CYSLTR1: variants seen among roughly 807,000 people sequenced by gnomAD.
The protein encoded by CYSLTR1 is cysteinyl leukotriene receptor 1.
CYSLTR1 carries 1 observed loss-of-function variant against 2.1 expected under a neutral mutation model. That is an observed-to-expected ratio of 0.48 (90% CI 0.17 to 2.28). The LOEUF is 2.28. CYSLTR1 is among the 30% of genes most tolerant of loss of function. The pLI is 0.26. For synonymous variants in CYSLTR1, 110 were observed against 89.6 expected, an observed-to-expected ratio of 1.23 and a Z score of -1.28; for missense variants, 299 against 250.1, an observed-to-expected ratio of 1.20 and a Z score of -1.32.
At chrX:78,316,476 T>C (rs1421229620) in intron 1 of CYSLTR1, among the ~76,000 whole-genome samples, 1 of 111,963 alleles carries the variant, frequency 8.9e-6, no homozygotes, top group Admixed American at 9.5e-5. Context: ...GCTTATGGCC[T>C]GGGAAAAGTT....
At chrX:78,283,318 A>C (rs1397217677) in intron 2 of CYSLTR1, 136 bp downstream of exon 2, 1 of 112,246 alleles carries the variant, frequency 8.9e-6, no homozygotes, top group Non-Finnish European at 1.9e-5. Flanking sequence ...TTAGCAGAAA[A>C]CAAATGGGTT....
chrX:78,274,109 T>G (rs1921454215), intron 2 of CYSLTR1, among the ~76,000 whole-genome samples: 1 of 111,765 alleles, frequency 8.9e-6, no homozygotes, highest in Non-Finnish European at 1.9e-5. Flanking sequence ...TGAACTTGTT[T>G]TTCTATTAGA....
At chrX:78,275,923 A>T (rs919428658) in intron 2 of CYSLTR1, among the ~76,000 whole-genome samples, 15 of 111,563 alleles carry the variant, frequency 1.3e-4, no homozygotes, top group Non-Finnish European at 2.8e-4. Flanking sequence ...GGTAAGAGAA[A>T]CCTTAGAAGC....
At chrX:78,317,951 C>T (rs889189735) in intron 1 of CYSLTR1, among the ~76,000 whole-genome samples, 1 of 111,583 alleles carries the variant, frequency 9.0e-6, no homozygotes, top group Non-Finnish European at 1.9e-5. Context: ...AACCAGAAAC[C>T]ACCTGTTCCC....
rs199546618 is a variant in CYSLTR1 at position 78,273,008 on chromosome X, T to A, written c.739A>T (p.Met247Leu). Reference protein sequence around the residue: ...VVTAAFLVSFMPYHIQRTIHL... With the variant: ...VVTAAFLVSFLPYHIQRTIHL... ...ATGGTACGTTGAATATGATATGGCA[T>A]GAAACTGACTAAAAAGGCAGCGGTC... Residue 247 changes from methionine to leucine, a missense_variant, in exon 3 of 3, where the codon ATG (methionine) becomes TTG (leucine). Met to Leu is a conservative substitution (Grantham distance 15). Transcript: ENST00000373304. The A allele has an allele frequency of 1.7e-6, 2 of 1,211,690 alleles. No individual in the cohort carries two copies. The highest frequency in any genetic ancestry group is 2.2e-6 in the Non-Finnish European group (2 of 895,485).
At chrX:78,301,958 G>A (rs754747194) in intron 1 of CYSLTR1, among the ~76,000 whole-genome samples, 2 of 112,205 alleles carry the variant, frequency 1.8e-5, no homozygotes, top group Non-Finnish European at 3.8e-5. Context: ...GAGAAAGCTT[G>A]TGCAGGAGAA....
chrX:78,309,877 A>G lies in CYSLTR1; in HGVS notation c.-115+17428T>C, dbSNP rs144787497. Among the ~76,000 whole-genome samples, 1,051 of 111,884 alleles carry G rather than the reference A, an allele frequency of 9.4e-3. 5 individuals carry two copies. Among genetic ancestry groups the G allele is most frequent in the Non-Finnish European group, 0.016 (859 of 53,068 alleles). On this transcript the variant is annotated intron_variant, in intron 1 of 2. Transcript: ENST00000373304. ...ACCATATAATTAAGTTTCAGATTCCACAAAGCCTTTCAATAGACACTGGCA... is the reference window on the plus strand; with the variant it reads ...ACCATATAATTAAGTTTCAGATTCCGCAAAGCCTTTCAATAGACACTGGCA...
chrX:78,295,606 C>A (rs1330531585), intron 1 of CYSLTR1, among the ~76,000 whole-genome samples: 1 of 111,271 alleles, frequency 9.0e-6, no homozygotes, highest in Non-Finnish European at 1.9e-5. Flanking sequence ...TGAGATGATA[C>A]CTCATTGCAG....
At chrX:78,313,709 C>T (rs1923299100) in intron 1 of CYSLTR1, among the ~76,000 whole-genome samples, 1 of 110,502 alleles carries the variant, frequency 9.0e-6, no homozygotes, top group African/African-American at 3.3e-5. Context: ...AAATAAGGCC[C>T]TGGACGTGGG....
chrX:78,290,674 C>A (rs149190207), intron 1 of CYSLTR1, among the ~76,000 whole-genome samples: 5 of 111,591 alleles, frequency 4.5e-5, no homozygotes, highest in Admixed American at 2.9e-4. Context: ...TCCTTCACAT[C>A]CCTTGTAAGT....
intron 1 of CYSLTR1, among the ~76,000 whole-genome samples, chrX:78,305,297 C>A (rs1420232253): frequency 9.0e-6 from 1 of 111,654 alleles, no homozygotes; most frequent in Admixed American, 9.5e-5. Context: ...AACAATTGCT[C>A]TTTTTTGTAT....
intron 1 of CYSLTR1, among the ~76,000 whole-genome samples, chrX:78,297,709 T>A (rs1277387665): frequency 9.0e-6 from 1 of 111,647 alleles, no homozygotes; most frequent in Non-Finnish European, 1.9e-5. Context: ...TTTGAATTTC[T>A]GCAGTATCAG....
chrX:78,306,441 C>T (rs936681902), intron 1 of CYSLTR1, among the ~76,000 whole-genome samples: 73 of 111,321 alleles, frequency 6.6e-4, no homozygotes, highest in Non-Finnish European at 1.2e-3. Flanking sequence ...TGGGATTACA[C>T]GCACGAGCCA....
chrX:78,319,278 C>A (rs1489100441), intron 1 of CYSLTR1: 2 of 71,420 alleles, frequency 2.8e-5, no homozygotes, highest in African/African-American at 1.1e-4. Context: ...CCCCACCCCA[C>A]AACAGGCCCC....
chrX:78,319,222 T>C (rs1923541789), intron 1 of CYSLTR1: 1 of 107,478 alleles, frequency 9.3e-6, no homozygotes, highest in African/African-American at 3.4e-5. Flanking sequence ...CATTAACTCG[T>C]CATTTAACAT....
chrX:78,273,919 T>G, intron 2 of CYSLTR1, 146 bp from the exon 3 acceptor site: 1 of 490,073 alleles, frequency 2.0e-6, no homozygotes, highest in Non-Finnish European at 3.2e-6. Context: ...GATTCAGCTG[T>G]ACCTTATCCT....
intron 1 of CYSLTR1, among the ~76,000 whole-genome samples, chrX:78,302,404 AT>A (rs1007198814): frequency 9.1e-6 from 1 of 110,155 alleles, no homozygotes; most frequent in Admixed American, 9.6e-5. Context: ...GGGGCCCTAC[AT>A]TTTTTTTCTG....
chrX:78,284,417 CAG>C (rs776095459), intron 1 of CYSLTR1, among the ~76,000 whole-genome samples: 1 of 111,119 alleles, frequency 9.0e-6, no homozygotes, highest in South Asian at 3.9e-4. Context: ...TTATTTTAGA[CAG>C]AGTCTCACTC....
chrX:78,276,466 G>A (rs1921596054), intron 2 of CYSLTR1, among the ~76,000 whole-genome samples: 1 of 110,278 alleles, frequency 9.1e-6, no homozygotes, highest in African/African-American at 3.3e-5. Context: ...GCCATGAAGG[G>A]GACTGATCTT....
Sources: allele counts gnomAD v4.1 joint callset (sites outside exome capture counted in the v4.1 genomes callset), GRCh38; gene constraint gnomAD v4.1.1; transcripts MANE v1.5; gene names NCBI Gene and HGNC (gene_info 2026-07-23, HGNC 2026-07-21).